The following SEC31A variants were observed in gnomAD, a reference collection of about 807,000 sequenced individuals.
SEC31A encodes protein transport protein Sec31A.
Under a neutral mutation model 151.0 loss-of-function variants are expected in SEC31A, and 70 were observed. The observed-to-expected ratio is 0.46, with a 90% CI of 0.38 to 0.57. The LOEUF (loss-of-function observed/expected upper bound fraction) is 0.57. Ranked by LOEUF, SEC31A falls within the 20% of genes least tolerant of loss-of-function variation. The pLI is 0.00. For missense variants in SEC31A, 1,330 were observed against 1,471.2 expected (o/e 0.90, Z 1.57); for synonymous variants, 475 against 505.9 (o/e 0.94, Z 0.82).
chr4:82,846,148 C>G (rs569561043), intron 20 of SEC31A, among the ~76,000 whole-genome samples: 1 of 151,860 alleles, frequency 6.6e-6, no homozygotes, highest in Non-Finnish European at 1.5e-5. Flanking sequence ...GGACTACAGG[C>G]GCCTGCCACC....
intron 16 of SEC31A, among the ~76,000 whole-genome samples, chr4:82,856,713 C>T (rs4693058): frequency 0.44 from 66,142 of 151,698 alleles, 17,731 homozygotes; most frequent in Admixed American, 0.59. Context: ...ATCACGCCAC[C>T]GGACTCTAGC....
chr4:82,828,790 C>T (rs559573116), intron 23 of SEC31A, among the ~76,000 whole-genome samples: 3 of 150,282 alleles, frequency 2.0e-5, no homozygotes, highest in Admixed American at 2.0e-4. Flanking sequence ...TAATTTATAT[C>T]ACCATCATCA....
intron 22 of SEC31A, among the ~76,000 whole-genome samples, chr4:82,830,361 G>A (rs1306832651): frequency 6.6e-6 from 1 of 152,220 alleles, no homozygotes; most frequent in African/African-American, 2.4e-5. Flanking sequence ...CCCAGGAGCT[G>A]AGGCAGGAGA....
At chr4:82,833,992 T>A (rs1347973406) in intron 22 of SEC31A, among the ~76,000 whole-genome samples, 2 of 152,332 alleles carry the variant, frequency 1.3e-5, no homozygotes, top group East Asian at 3.9e-4. Context: ...ATACAAGATA[T>A]AAATGCAAGC....
chr4:82,885,182 AC>A (rs762465408), intron 1 of SEC31A, among the ~76,000 whole-genome samples: 18 of 152,188 alleles, frequency 1.2e-4, no homozygotes, highest in Non-Finnish European at 2.9e-5. Flanking sequence ...CAAACAAAAA[AC>A]CAACAGATTT....
In SEC31A at chr4:82,871,958, C is replaced by T. The variant is rs755762615; in HGVS notation, c.768G>A (p.Leu256=). 1.9e-6 allele frequency: 3 copies of T among 1,614,044 alleles called. No homozygotes were observed. Among genetic ancestry groups the T allele is most frequent in the Non-Finnish European group, 2.5e-6 (3 of 1,179,992 alleles). The part of the protein sequence containing the change: ...LRFASSPLRV[L]ENHARGILAI... Reference sequence around the variant, plus strand: ...CAGCACGATACCTGGCATGGTTTTCCAGGACACGAAGTGGAGAGGAAGCAA... The same window carrying T: ...CAGCACGATACCTGGCATGGTTTTCTAGGACACGAAGTGGAGAGGAAGCAA... The change falls in exon 7 of 27, where the codon CTG becomes CTA. Residue 256 remains leucine, a synonymous_variant. Coordinates refer to ENST00000395310, the MANE Select transcript of SEC31A (RefSeq NM_001077207.4).
chr4:82,830,200 A>G (rs1162269084), intron 22 of SEC31A, among the ~76,000 whole-genome samples: 3 of 152,232 alleles, frequency 2.0e-5, no homozygotes, highest in East Asian at 3.8e-4. Flanking sequence ...GCAGTGGCTC[A>G]TGCCTGTAAT....
upstream of SEC31A, among the ~76,000 whole-genome samples, chr4:82,896,080 C>A (rs145683292): frequency 6.1e-4 from 93 of 152,326 alleles, no homozygotes; most frequent in African/African-American, 2.1e-3. Context: ...TCAAGTGTAT[C>A]ACTGTATTGA....
In SEC31A at chr4:82,857,695, T is replaced by C. The variant is rs777762986; in HGVS notation, c.1696A>G (p.Ser566Gly). The change falls in exon 15 of 27, where the codon AGT becomes GGT. Residue 566 changes from serine (S) to glycine (G), a missense_variant. Ser to Gly is a moderately conservative substitution (Grantham distance 56, BLOSUM62 0). Transcript: ENST00000395310. ...AAAACCAACAAGTACTTACCCCCAC[T>C]GACAGAGATATTAAATGTTCCTCCA... is the stretch of plus-strand genomic sequence containing the variant. The part of the protein sequence containing the change: ...SSGGTFNISV[S>G]GDIDGLITQA... 4 of 1,580,372 alleles carry C rather than the reference T, an allele frequency of 2.5e-6. No homozygotes were observed. In the South Asian group the frequency reaches 3.3e-5, roughly 13 times the overall value.
intron 10 of SEC31A, among the ~76,000 whole-genome samples, chr4:82,866,481 A>G (rs1231702650): frequency 6.6e-6 from 1 of 152,078 alleles, no homozygotes; most frequent in Non-Finnish European, 1.5e-5. Context: ...AAAAACAAAC[A>G]AACAAACAAA....
At chr4:82,824,869 C>T (rs1489652378) in intron 24 of SEC31A, among the ~76,000 whole-genome samples, 195 bp from the exon 25 acceptor site, 1 of 152,198 alleles carries the variant, frequency 6.6e-6, no homozygotes, top group African/African-American at 2.4e-5. Flanking sequence ...AGTGTAGGCG[C>T]TCTTCCTACA....
At chr4:82,871,484 C>T in intron 7 of SEC31A, 2 of 1,181,354 alleles carry the variant, frequency 1.7e-6, no homozygotes. Context: ...TGATAACTGA[C>T]ATAAACATTA....
chr4:82,841,115 CT>C (rs1441312841), intron 22 of SEC31A, among the ~76,000 whole-genome samples: 1 of 152,016 alleles, frequency 6.6e-6, no homozygotes, highest in Admixed American at 6.6e-5. Context: ...CAAAAACATA[CT>C]TTTTCTATTT....
chr4:82,824,295 C>G (rs551012187), intron 25 of SEC31A, among the ~76,000 whole-genome samples: 10 of 152,118 alleles, frequency 6.6e-5, no homozygotes, highest in Non-Finnish European at 1.2e-4. Context: ...CCTCTGCCTT[C>G]TGGGTTCAAG....
Position 82,860,678 on chromosome 4 carries a change from T to G in SEC31A, c.1626+953A>C, listed in dbSNP as rs59523987. On this transcript the variant is annotated intron_variant, in intron 14 of 26. Coordinates refer to ENST00000395310, the MANE Select transcript of SEC31A (RefSeq NM_001077207.4). ...TTTTTAGAGATAGGGTCTCACTATG[T>G]TGTCCAGGCTAGTCTTGAACTCATA... Among the ~76,000 whole-genome samples the G allele has an allele frequency of 7.9e-3, 1,201 of 152,158 alleles. 22 individuals carry two copies. The highest frequency in any genetic ancestry group is 0.028 in the African/African-American group (1,151 of 41,528).
At chr4:82,819,902 C>T (rs868549204) in intron 26 of SEC31A, among the ~76,000 whole-genome samples, 2 of 152,186 alleles carry the variant, frequency 1.3e-5, no homozygotes, top group African/African-American at 2.4e-5. Context: ...GCTAGGACTA[C>T]AGCCGTGTGC....
chr4:82,871,920 T>C (rs938509331), intron 7 of SEC31A, 24 bp downstream of exon 7: 11 of 1,613,758 alleles, frequency 6.8e-6, no homozygotes, highest in Non-Finnish European at 8.5e-6. Context: ...ACAAATCAAG[T>C]TCTTTGTAAC....
At chr4:82,862,637 C>T (rs372492179) in intron 12 of SEC31A, 65 bp from the exon 13 acceptor site, 1 of 1,390,566 alleles carries the variant, frequency 7.2e-7, no homozygotes, top group Non-Finnish European at 1.0e-6. Context: ...AGCAAATGTT[C>T]ACCTCTTGCT....
In SEC31A at chr4:82,855,882, T is replaced by C. The variant is rs376610595; in HGVS notation, c.1882-853A>G. On this transcript the variant is annotated intron_variant, in intron 16 of 26. Coordinates refer to ENST00000395310, the MANE Select transcript of SEC31A (RefSeq NM_001077207.4). ...AAATAATCTGTACAACAAACCCCTA[T>C]GACACGAGTTTACTCTTAAGTTTGT... is the stretch of plus-strand genomic sequence containing the variant. Among the ~76,000 whole-genome samples, 43 of 152,292 alleles carry C rather than the reference T, an allele frequency of 2.8e-4. No homozygotes were observed. In the East Asian group the frequency reaches 2.9e-3, roughly 10 times the overall value.
Sources: gnomAD v4.1 joint callset for allele counts (sites outside exome capture counted in the v4.1 genomes callset) on GRCh38, gnomAD v4.1.1 for gene constraint, MANE v1.5 for transcripts, NCBI Gene and HGNC (gene_info 2026-07-23, HGNC 2026-07-21) for gene names.